The following SI variants were observed in gnomAD, a reference collection of about 807,000 sequenced individuals.
The protein encoded by SI is sucrase-isomaltase, intestinal.
In SI, 235 loss-of-function variants were observed where a neutral mutation model predicts 253.3. The observed-to-expected ratio is 0.93, with a 90% confidence interval of 0.83 to 1.03. The LOEUF (loss-of-function observed/expected upper bound fraction) is 1.03. Among genes scored for constraint, SI ranks in the 50% least tolerant of loss-of-function variants. The pLI, the probability that SI is intolerant of heterozygous loss-of-function variation, is 0.00. For synonymous variants in SI, 819 were observed against 712.0 expected, an observed-to-expected ratio of 1.15 and a Z score of -2.39; for missense variants, 2,442 against 2,211.1, an observed-to-expected ratio of 1.10 and a Z score of -2.09.
At chr3:165,089,139 T>C in the SI span, among the ~76,000 whole-genome samples, 1 of 151,588 alleles carries the variant, frequency 6.6e-6, no homozygotes, top group Non-Finnish European at 1.5e-5. Context: ...AACATTGTTA[T>C]GGCTGTCTTT....
chr3:164,982,645 A>G (rs138429254), intron 46 of SI, among the ~76,000 whole-genome samples: 2 of 152,068 alleles, frequency 1.3e-5, no homozygotes, highest in African/African-American at 2.4e-5. Flanking sequence ...AGGCTCAGAA[A>G]GTTTGGATTC....
At chr3:165,012,035 A>C (rs1718796061) in intron 34 of SI, among the ~76,000 whole-genome samples, 1 of 151,680 alleles carries the variant, frequency 6.6e-6, no homozygotes, top group Non-Finnish European at 1.5e-5. Flanking sequence ...AACTATAGCC[A>C]CTCCTGTTCC....
At chr3:165,085,830 A>G in the SI span, among the ~76,000 whole-genome samples, 1 of 152,192 alleles carries the variant, frequency 6.6e-6, no homozygotes, top group Non-Finnish European at 1.5e-5. Flanking sequence ...AGAATATACA[A>G]GACAAATGTT....
chr3:165,045,848 A>ATTT (rs74590097), intron 16 of SI, among the ~76,000 whole-genome samples: 4 of 120,812 alleles, frequency 3.3e-5, no homozygotes, highest in African/African-American at 6.3e-5. Context: ...ATGTTTTTCA[A>ATTT]TTTTTTTTTT....
intron 25 of SI, among the ~76,000 whole-genome samples, chr3:165,027,513 A>G (rs1161892263): frequency 6.6e-6 from 1 of 151,346 alleles, no homozygotes; most frequent in Non-Finnish European, 1.5e-5. Context: ...AAAGAAAACT[A>G]CAGACCAATA....
At position 165,065,354 on chromosome 3, in the gene SI, A is replaced by T. The variant is rs1237909376; in HGVS notation, c.714T>A (p.Ile238=). The change falls in exon 7 of 48, where the codon ATT becomes ATA. Residue 238 remains isoleucine (I), a synonymous_variant. Coordinates refer to ENST00000264382, the MANE Select transcript of SI (RefSeq NM_001041.4). Reference sequence around the variant, plus strand: ...TATGAACTTGTTCTCCAATACCATAAATATAATCACTTGGAAGACGGGTTG... The same window carrying T: ...TATGAACTTGTTCTCCAATACCATATATATAATCACTTGGAAGACGGGTTG... ...QISTRLPSDY[I]YGIGEQVHKR... is the part of the protein sequence containing the mutation. 3 of 1,595,148 alleles carry T rather than the reference A, an allele frequency of 1.9e-6. No homozygotes were observed. In the East Asian group the frequency reaches 6.8e-5, roughly 36 times the overall value.
At chr3:164,984,760 T>A (rs1576865863) in intron 45 of SI, among the ~76,000 whole-genome samples, 1 of 152,292 alleles carries the variant, frequency 6.6e-6, no homozygotes, top group Middle Eastern at 3.4e-3. Context: ...GATAATTTGT[T>A]ACCACATTAT....
chr3:165,047,771 A>T lies in SI; in HGVS notation c.1716-759T>A, dbSNP rs1295656475. 2.0e-5 allele frequency among the ~76,000 whole-genome samples: 3 copies of T among 152,058 alleles called. No homozygotes were observed. In the East Asian group the frequency reaches 5.8e-4, roughly 29 times the overall value. On this transcript the variant is annotated intron_variant, in intron 15 of 47. Coordinates refer to ENST00000264382, the MANE Select transcript of SI (RefSeq NM_001041.4). ...ACATTTTTTGTAGTGTGATGACTCC[A>T]ATTATATATTTATTTCGACATTTTC...
In SI at chr3:164,979,247, A is replaced by C. The variant is rs549915718; in HGVS notation, c.*115T>G. 4.6e-5 allele frequency: 34 copies of C among 743,218 alleles called. 1 individual carries two copies. Among genetic ancestry groups the C allele is most frequent in the South Asian group, 4.4e-4 (31 of 71,102 alleles). 46.0% of individuals were successfully genotyped at this position (743,218 alleles called of 1,614,324 possible). The stretch of plus-strand genomic sequence containing the variant: ...CGCTACAAAATAACTTTTCGATGTT[A>C]TGAAAGCTATATTTTGTAGAGTACA... On this transcript the variant is annotated 3_prime_UTR_variant, in exon 48 of 48. Coordinates refer to ENST00000264382, the MANE Select transcript of SI (RefSeq NM_001041.4).
intron 25 of SI, among the ~76,000 whole-genome samples, chr3:165,029,539 CCAAT>C (rs1299479592): frequency 2.4e-5 from 3 of 125,366 alleles, no homozygotes; most frequent in African/African-American, 5.2e-5. Context: ...CAAATGTTCA[CCAAT>C]CAATGAGTGG....
upstream of SI, among the ~76,000 whole-genome samples, chr3:165,079,324 G>A (rs994178197): frequency 6.6e-6 from 1 of 151,554 alleles, no homozygotes; most frequent in Non-Finnish European, 1.5e-5. Flanking sequence ...ACCCCAATTT[G>A]ACTCTGAAAT....
At chr3:165,009,615 A>G (rs1471812563) in intron 34 of SI, among the ~76,000 whole-genome samples, 2 of 152,172 alleles carry the variant, frequency 1.3e-5, no homozygotes, top group African/African-American at 4.8e-5. Flanking sequence ...TTGGAATCCT[A>G]TGTGAATTAT....
chr3:165,050,655 A>ATGTTGAGG (rs1713380504), intron 13 of SI, among the ~76,000 whole-genome samples: 1 of 152,126 alleles, frequency 6.6e-6, no homozygotes, highest in African/African-American at 2.4e-5. Context: ...CTTCTCTGCA[A>ATGTTGAGG]ACTGTGTTGA....
Position 165,058,892 on chromosome 3 carries a change from A to G in SI, c.1398+71T>C, listed in dbSNP as rs539010607. On this transcript the variant is annotated intron_variant, in intron 12 of 47. Coordinates refer to ENST00000264382, the MANE Select transcript of SI (RefSeq NM_001041.4). ...CACACACACACACACACACACGCAC[A>G]TCCACAGAAACTTTATTATTTCAGA... 53 of 1,288,548 alleles carry G rather than the reference A, an allele frequency of 4.1e-5. 1 individual carries two copies. The South Asian group carries it at 6.3e-4, about 15-fold the overall frequency. 79.8% of individuals were successfully genotyped at this position (1,288,548 alleles called of 1,614,324 possible).
At position 165,006,792 on chromosome 3, in the gene SI, A is replaced by G. The variant is rs749938165; in HGVS notation, c.4406+24T>C. 20 of 1,600,428 alleles carry G rather than the reference A, an allele frequency of 1.2e-5. No homozygotes were observed. The Admixed American group carries it at 2.3e-4, about 19-fold the overall frequency. ...GAACCAAAGAATAAAAGAGTCAGAG[A>G]GGATAATTCAGAACATTGCTTACTC... On this transcript the variant is annotated intron_variant, in intron 37 of 47. Transcript: ENST00000264382.
In SI at chr3:165,040,999, G is replaced by GT; in HGVS notation, c.2099dup (p.Tyr700Ter). 6.2e-7 allele frequency: 1 copy of GT among 1,612,510 alleles called. No homozygotes were observed. The highest frequency in any genetic ancestry group is 8.5e-7 in the Non-Finnish European group (1 of 1,178,858). ...TIRYTLLPFL[Y>*]TLFYKAHVFG... is the part of the protein sequence containing the mutation. ...ACACATGGGCTTTATAAAACAGAGT[G>GT]TAGAGGAAGGGTAATAAGGTGTAGC... The change falls in exon 18 of 48, where the codon TAC becomes TAAC. Residue 700 changes from tyrosine (Y) to a stop codon, truncating the protein, a stop_gained and frameshift_variant. Coordinates refer to ENST00000264382, the MANE Select transcript of SI (RefSeq NM_001041.4). LOFTEE classifies it high-confidence loss of function.
chr3:164,980,921 CTGATTGAACAT>C (rs1357829555), intron 47 of SI, among the ~76,000 whole-genome samples: 1 of 151,848 alleles, frequency 6.6e-6, no homozygotes, highest in Non-Finnish European at 1.5e-5. Context: ...TTTTCTTTAT[CTGATTGAACAT>C]TGGACCGTGC....
chr3:165,055,509 A>G (rs1713652605), intron 12 of SI, among the ~76,000 whole-genome samples: 1 of 152,030 alleles, frequency 6.6e-6, no homozygotes, highest in Non-Finnish European at 1.5e-5. Context: ...AGGTGAAATC[A>G]TGAAGCATTT....
intron 5 of SI, among the ~76,000 whole-genome samples, chr3:165,068,499 G>A (rs1283027488): frequency 1.3e-5 from 2 of 151,990 alleles, no homozygotes; most frequent in Non-Finnish European, 2.9e-5. Flanking sequence ...TCAGCCTCCC[G>A]AGTAGCTGGG....
Sources: gnomAD v4.1 joint callset for allele counts (sites outside exome capture counted in the v4.1 genomes callset) on GRCh38, gnomAD v4.1.1 for gene constraint, MANE v1.5 for transcripts, NCBI Gene and HGNC (gene_info 2026-07-23, HGNC 2026-07-21) for gene names.